The following ABCA6 variants were observed in gnomAD, a reference collection of about 807,000 sequenced individuals.
ABCA6 encodes ATP binding cassette subfamily A member 6, also known as ATP-binding cassette sub-family A member 6.
A neutral mutation model predicts 191.2 loss-of-function variants in ABCA6; 164 were observed. The ratio of observed to expected loss-of-function variants is 0.86; its 90% CI spans 0.76 to 0.98. ABCA6 has a LOEUF of 0.98. ABCA6 is among the 50% of genes least tolerant of loss of function. The pLI, the probability that ABCA6 is intolerant of heterozygous loss-of-function variation, is 0.00. For missense variants in ABCA6, 1,958 were observed against 1,894.1 expected (o/e 1.03, Z -0.63); for synonymous variants, 636 against 647.7 (o/e 0.98, Z 0.27).
chr17:69,097,855 A>C lies in ABCA6; in HGVS notation c.3120+65T>G. ...TTTGTCAGAAGAAAACATTTTGAACACATAGCATTCAAAATACAGATATTG... is the reference window on the plus strand; with the variant it reads ...TTTGTCAGAAGAAAACATTTTGAACCCATAGCATTCAAAATACAGATATTG... On this transcript the variant is annotated intron_variant, in intron 23 of 38. Transcript: ENST00000284425. The C allele has an allele frequency of 2.7e-6, 3 of 1,098,688 alleles. No individual in the cohort carries two copies. In the Middle Eastern group the frequency reaches 6.4e-4, roughly 234 times the overall value. The allele number at this position is 1,098,688 out of a possible 1,614,324, so 68.1% of individuals were successfully genotyped here. A position where few individuals can be genotyped will look rare whatever the true frequency, so the allele number is the denominator to read the frequency against.
intron 6 of ABCA6, among the ~76,000 whole-genome samples, chr17:69,133,179 T>C (rs1039159058): frequency 6.6e-6 from 1 of 152,230 alleles, no homozygotes; most frequent in Admixed American, 6.5e-5. Flanking sequence ...CTATGCCTTG[T>C]GGCCAAACCC....
At chr17:69,091,349 A>T (rs1283915801) in intron 25 of ABCA6, 87 bp from the exon 26 acceptor site, 2 of 1,429,582 alleles carry the variant, frequency 1.4e-6, no homozygotes, top group Non-Finnish European at 1.9e-6. Context: ...TGTTCTCATG[A>T]TGTATATCAT....
chr17:69,115,365 T>C lies in ABCA6; in HGVS notation c.1606+11A>G. On this transcript the variant is annotated intron_variant, in intron 12 of 38. Transcript: ENST00000284425. ...AGACATCTTGCCTTTGAGAAATTTC[T>C]TTTTACTCACCTTCTGTTGGAACAG... 1 of 1,595,236 alleles carries C rather than the reference T, an allele frequency of 6.3e-7. No individual in the cohort carries two copies. Among genetic ancestry groups the C allele is most frequent in the Non-Finnish European group, 8.6e-7 (1 of 1,169,312 alleles).
chr17:69,096,807 T>C lies in ABCA6; in HGVS notation c.3121-6A>G. The C allele has an allele frequency of 8.3e-7, 1 of 1,202,960 alleles. No homozygotes were observed. The highest frequency in any genetic ancestry group is 1.1e-6 in the Non-Finnish European group (1 of 902,518). 74.5% of individuals were successfully genotyped at this position (1,202,960 alleles called of 1,614,324 possible). A position where few individuals can be genotyped will look rare whatever the true frequency, so the allele number is the denominator to read the frequency against. On this transcript the variant is annotated splice_polypyrimidine_tract_variant and splice_region_variant and intron_variant, in intron 23 of 38. Transcript: ENST00000284425. ...AGCTGGGACTTAGCATTTTTCTGAT[T>C]AAAAAAAAAAAGAAAGAAAGAAATG...
chr17:69,087,669 T>C, intron 28 of ABCA6, 196 bp from the exon 29 acceptor site: 1 of 643,338 alleles, frequency 1.6e-6, no homozygotes, highest in Non-Finnish European at 2.6e-6. Context: ...TTAATGTTGT[T>C]GCCATTCTTC....
chr17:69,085,231 A>G (rs958445145), intron 31 of ABCA6, 49 bp from the exon 32 acceptor site: 3 of 1,540,558 alleles, frequency 1.9e-6, no homozygotes, highest in Middle Eastern at 3.4e-4. Context: ...TTATTCCAAT[A>G]GCGTAATTAC....
In ABCA6 at chr17:69,083,284, A is replaced by G; in HGVS notation, c.4403T>C (p.Leu1468Pro). 5 of 1,608,678 alleles carry G rather than the reference A, an allele frequency of 3.1e-6. No individual in the cohort carries two copies. Among genetic ancestry groups the G allele is most frequent in the Admixed American group, 1.7e-5 (1 of 58,144 alleles). Reference sequence around the variant, plus strand: ...CGCCTCAGCCAGGTTATGGGTGGTCAGGAGGACACCTCTCTCTGTGTTTTT... The same window carrying G: ...CGCCTCAGCCAGGTTATGGGTGGTCGGGAGGACACCTCTCTCTGTGTTTTT... ...VVKNTERGVL[L>P]TTHNLAEAEA... is the part of the protein sequence containing the mutation. Residue 1468 changes from leucine (L) to proline (P), a missense_variant, in exon 35 of 39, where the codon CTG becomes CCG. Physicochemically the swap from Leu to Pro is moderately conservative, Grantham distance 98. Coordinates refer to ENST00000284425, the MANE Select transcript of ABCA6 (RefSeq NM_080284.3).
rs1202561030 is a variant in ABCA6 at position 69,107,790 on chromosome 17, C to G, written c.2295G>C (p.Lys765Asn). The G allele has an allele frequency of 5.0e-6, 8 of 1,609,932 alleles. 1 individual carries two copies. In the South Asian group the frequency reaches 6.7e-5, roughly 13 times the overall value. The change falls in exon 18 of 39, where the codon AAG (lysine) becomes AAC (asparagine). Residue 765 changes from lysine (K) to asparagine (N), a missense_variant. Coordinates refer to ENST00000284425, the MANE Select transcript of ABCA6 (RefSeq NM_080284.3). ...AACCTGTCACTCCCTGGTCAGAACA[C>G]TTATCCAGATCACTGAAAAGATCTA... is the stretch of plus-strand genomic sequence containing the variant. ...TFPDLFSDLD[K>N]CSDQGVTGYD...
chr17:69,107,852 C>T (rs778114422), intron 17 of ABCA6, 40 bp from the exon 18 acceptor site: 21 of 1,147,058 alleles, frequency 1.8e-5, no homozygotes, highest in Non-Finnish European at 2.6e-5. Context: ...TGGAAAACCA[C>T]ATTGAGAACT....
intron 21 of ABCA6, among the ~76,000 whole-genome samples, chr17:69,101,297 T>C (rs1196546084): frequency 6.6e-6 from 1 of 152,132 alleles, no homozygotes; most frequent in African/African-American, 2.4e-5. Context: ...CAGTTTATGA[T>C]GAAGAAGCAA....
intron 19 of ABCA6, 65 bp downstream of exon 19, chr17:69,105,963 A>G: frequency 6.8e-7 from 1 of 1,479,736 alleles, no homozygotes; most frequent in Non-Finnish European, 9.1e-7. Context: ...GTTTTAAATT[A>G]TCTTCTGGTT....
chr17:69,104,130 C>G (rs1360627066), intron 20 of ABCA6: 11 of 151,924 alleles, frequency 7.2e-5, no homozygotes, highest in Non-Finnish European at 1.6e-4. Context: ...TTCACCTAGG[C>G]AGACAGGGAT....
In ABCA6 at chr17:69,136,239, T is replaced by C; in HGVS notation, c.313A>G (p.Ile105Val). The C allele has an allele frequency of 6.4e-7, 1 of 1,564,208 alleles. No homozygotes were observed. The highest frequency in any genetic ancestry group is 8.7e-7 in the Non-Finnish European group (1 of 1,155,786). ...ATGTGTGTTTTATTTGGTGCCCCAATGACACTTGTTCCTGTGAATTACAAG... is the reference window on the plus strand; with the variant it reads ...ATGTGTGTTTTATTTGGTGCCCCAACGACACTTGTTCCTGTGAATTACAAG... The part of the protein sequence containing the change: ...LAPLLKGTSV[I>V]GAPNKTHMDE... Residue 105 changes from isoleucine to valine, a missense_variant, in exon 4 of 39, where the codon ATT becomes GTT. Physicochemically the swap from Ile to Val is conservative, Grantham distance 29. Transcript: ENST00000284425.
At position 69,129,660 on chromosome 17, in the gene ABCA6, T is replaced by C; in HGVS notation, c.883A>G (p.Thr295Ala). 2 of 1,605,032 alleles carry C rather than the reference T, an allele frequency of 1.2e-6. No individual in the cohort carries two copies. Among genetic ancestry groups the C allele is most frequent in the East Asian group, 4.5e-5 (2 of 44,702 alleles). ...IITFTQIIVM[T>A]GFMVIFILFF... is the part of the protein sequence containing the mutation. ...AGTATAAATATGACCATGAAGCCAG[T>C]CATGACTATAATTTGGGTGAATGTT... The change falls in exon 7 of 39, where the codon ACT becomes GCT. Residue 295 changes from threonine (T) to alanine (A), a missense_variant. Transcript: ENST00000284425.
At position 69,123,392 on chromosome 17, in the gene ABCA6, T is replaced by C. The variant is rs1197507063; in HGVS notation, c.1283A>G (p.His428Arg). Residue 428 changes from histidine to arginine, a missense_variant, in exon 10 of 39, where the codon CAT (histidine) becomes CGT (arginine). Physicochemically the swap from His to Arg is conservative, Grantham distance 29 (BLOSUM62 0). Transcript: ENST00000284425. ...ATTCAAGAAAAATAAAGGAGAATAA[T>C]GGCGCTCATCTCCATCTAATTAACC... Reference protein sequence around the residue: ...DKILPYGDERHYSPLFFLNSS... With the variant: ...DKILPYGDERRYSPLFFLNSS... 2.0e-6 allele frequency: 3 copies of C among 1,501,820 alleles called. No homozygotes were observed. The highest frequency in any genetic ancestry group is 1.4e-5 in the South Asian group (1 of 71,756). The allele number at this position is 1,501,820 out of a possible 1,614,324, so 93.0% of individuals were successfully genotyped here.
At chr17:69,108,041 C>T (rs2073343036) in intron 17 of ABCA6, 2 of 446,660 alleles carry the variant, frequency 4.5e-6, no homozygotes, top group East Asian at 4.6e-5. Context: ...CTTCCATTCT[C>T]AGTTTATGAG....
At chr17:69,136,022 C>T in intron 4 of ABCA6, 70 bp downstream of exon 4, 1 of 1,445,842 alleles carries the variant, frequency 6.9e-7, no homozygotes, top group Non-Finnish European at 9.6e-7. Context: ...ATCTCTGTTG[C>T]CCAACCTCCT....
At chr17:69,111,476 T>C (rs958006451) in intron 16 of ABCA6, 2 of 152,554 alleles carry the variant, frequency 1.3e-5, no homozygotes, top group Admixed American at 1.3e-4. Flanking sequence ...AACTGAATCA[T>C]AGGCAGTTAC....
intron 34 of ABCA6, among the ~76,000 whole-genome samples, chr17:69,083,989 A>G (rs1393710104): frequency 6.6e-6 from 1 of 152,218 alleles, no homozygotes; most frequent in Non-Finnish European, 1.5e-5. Context: ...AGACATCTCA[A>G]TAATTAAAAG....
Sources: allele counts gnomAD v4.1 joint callset (sites outside exome capture counted in the v4.1 genomes callset), GRCh38; gene constraint gnomAD v4.1.1; transcripts MANE v1.5; gene names NCBI Gene and HGNC (gene_info 2026-07-23, HGNC 2026-07-21).